The following LSR variants were observed in gnomAD, a reference collection of about 807,000 sequenced individuals.
LSR encodes the protein lipolysis stimulated lipoprotein receptor.
Under a neutral mutation model 61.8 loss-of-function variants are expected in LSR, and 44 were observed. The observed-to-expected ratio is 0.71, with a 90% CI of 0.56 to 0.91. LSR has a LOEUF of 0.91. Among genes scored for constraint, LSR ranks in the 40% least tolerant of loss-of-function variants. The pLI is 0.00. For synonymous variants in LSR, 397 were observed against 350.6 expected (o/e 1.13, Z -1.48); for missense variants, 911 against 830.5 (o/e 1.10, Z -1.19).
chr19:35,266,773 G>A (rs200817946), intron 7 of LSR, 35 bp downstream of exon 7: 617 of 1,609,390 alleles, frequency 3.8e-4, no homozygotes, highest in Non-Finnish European at 4.9e-4. Flanking sequence ...GGATGTGCCT[G>A]TAAGGGAGAG....
chr19:35,264,193 G>GT (rs999372765), intron 5 of LSR: 1 of 152,064 alleles, frequency 6.6e-6, no homozygotes, highest in Non-Finnish European at 1.5e-5. Context: ...GTCTAGGGTC[G>GT]TATCTAGCAC....
chr19:35,265,862 CAG>C (rs1168020190), intron 5 of LSR, among the ~76,000 whole-genome samples: 2 of 152,112 alleles, frequency 1.3e-5, no homozygotes, highest in African/African-American at 2.4e-5. Context: ...TTTTCTAGAA[CAG>C]GGGCTTGGCT....
At chr19:35,260,246 C>T (rs2065909445) in intron 3 of LSR, among the ~76,000 whole-genome samples, 1 of 148,502 alleles carries the variant, frequency 6.7e-6, no homozygotes, top group African/African-American at 2.5e-5. Flanking sequence ...GGTTTTATGT[C>T]TATCTGTTGC....
intron 2 of LSR, among the ~76,000 whole-genome samples, chr19:35,257,571 G>A (rs1370332622): frequency 6.6e-6 from 1 of 152,128 alleles, no homozygotes; most frequent in Admixed American, 6.5e-5. Context: ...ACTGCAGCAC[G>A]CGTGGTTGCT....
intron 2 of LSR, among the ~76,000 whole-genome samples, chr19:35,256,237 A>T (rs1439387772): frequency 6.6e-6 from 1 of 152,094 alleles, no homozygotes; most frequent in African/African-American, 2.4e-5. Flanking sequence ...CCATCTCAAA[A>T]AAAAAAAAAA....
In LSR at chr19:35,267,136, A is replaced by AGGACGACTGGC; in HGVS notation, c.1174_1184dup (p.Ser396ThrfsTer156). On this transcript the variant is annotated frameshift_variant, in exon 9 of 10. Coordinates refer to ENST00000605618, the MANE Select transcript of LSR (RefSeq NM_205834.4). LOFTEE classifies it high-confidence loss of function. ...ATGAGTGAAGTCACCTCCCTCCACG[A>AGGACGACTGGC]GGACGACTGGCGATCTCGGCCTTCC... The AGGACGACTGGC allele has an allele frequency of 1.3e-6, 2 of 1,529,108 alleles. No homozygotes were observed. Among genetic ancestry groups the AGGACGACTGGC allele is most frequent in the Non-Finnish European group, 1.8e-6 (2 of 1,142,598 alleles). The allele number at this position is 1,529,108 out of a possible 1,614,324, so 94.7% of individuals were successfully genotyped here.
At position 35,250,331 on chromosome 19, in the gene LSR, C is replaced by A; in HGVS notation, c.126C>A (p.Ile42=). Residue 42 remains isoleucine, a synonymous_variant, in exon 2 of 10, where the codon ATC becomes ATA. Coordinates refer to ENST00000605618, the MANE Select transcript of LSR (RefSeq NM_205834.4). ...STWCTAPARA[I]QVTVSNPYHV... The stretch of plus-strand genomic sequence containing the variant: ...TGCCCTCAGCTCCTGCCAGGGCCAT[C>A]CAGGTGACCGTGTCCAACCCCTACC... 1.3e-6 allele frequency: 2 copies of A among 1,553,422 alleles called. No individual in the cohort carries two copies. Among genetic ancestry groups the A allele is most frequent in the Non-Finnish European group, 8.8e-7 (1 of 1,142,510 alleles).
chr19:35,251,273 G>T (rs11084809), intron 2 of LSR, among the ~76,000 whole-genome samples: 36,939 of 152,008 alleles, frequency 0.24, 4,629 homozygotes, highest in East Asian at 0.28. Context: ...AGACAAACAC[G>T]ACACACACTC....
intron 5 of LSR, among the ~76,000 whole-genome samples, chr19:35,263,320 GA>G (rs1209165482): frequency 2.0e-5 from 3 of 151,870 alleles, no homozygotes; most frequent in Non-Finnish European, 4.4e-5. Flanking sequence ...AAAAAGTTAA[GA>G]AACCAAACAA....
intron 2 of LSR, chr19:35,253,771 G>A (rs989604498): frequency 2.0e-5 from 3 of 152,296 alleles, no homozygotes; most frequent in African/African-American, 7.2e-5. Context: ...CCCAGGGATT[G>A]TGCCTGCCTG....
Position 35,259,052 on chromosome 19 carries a change from C to G in LSR, c.562C>G (p.Leu188Val). 6.2e-7 allele frequency: 1 copy of G among 1,613,460 alleles called. No homozygotes were observed. The highest frequency in any genetic ancestry group is 8.5e-7 in the Non-Finnish European group (1 of 1,179,556). The change falls in exon 3 of 10, where the codon CTC becomes GTC. Residue 188 changes from leucine to valine, a missense_variant. By Grantham distance (32) the Leu-to-Val change is conservative. Coordinates refer to ENST00000605618, the MANE Select transcript of LSR (RefSeq NM_205834.4). ...GGGGAACAATGAGGCCTACGCAGAGCTCATCGTCCTTGGTGAGTGGGCCTG... is the reference window on the plus strand; with the variant it reads ...GGGGAACAATGAGGCCTACGCAGAGGTCATCGTCCTTGGTGAGTGGGCCTG... ...LQGNNEAYAE[L>V]IVLGRTSGVA...
chr19:35,261,471 C>A (rs1232882320), intron 3 of LSR, among the ~76,000 whole-genome samples: 5 of 152,128 alleles, frequency 3.3e-5, no homozygotes, highest in Admixed American at 3.3e-4. Flanking sequence ...CGCCTGAGCC[C>A]ACGAGGTTGA....
intron 2 of LSR, among the ~76,000 whole-genome samples, chr19:35,257,204 A>C (rs1197494811): frequency 6.6e-6 from 1 of 152,126 alleles, no homozygotes; most frequent in Non-Finnish European, 1.5e-5. Flanking sequence ...GCAGTGGCTG[A>C]GACAGACAGG....
chr19:35,259,995 C>T (rs1164326640), intron 3 of LSR, among the ~76,000 whole-genome samples: 2 of 152,182 alleles, frequency 1.3e-5, no homozygotes, highest in Non-Finnish European at 2.9e-5. Flanking sequence ...TGAGTGATGC[C>T]GCTGGGCTGT....
At chr19:35,252,384 C>A (rs1202894821) in intron 2 of LSR, among the ~76,000 whole-genome samples, 3 of 151,890 alleles carry the variant, frequency 2.0e-5, no homozygotes, top group Non-Finnish European at 4.4e-5. Flanking sequence ...CACGGTGGCT[C>A]ACGTCTGTAA....
intron 2 of LSR, among the ~76,000 whole-genome samples, chr19:35,255,812 A>G (rs1030856365): frequency 6.6e-6 from 1 of 152,212 alleles, no homozygotes; most frequent in Non-Finnish European, 1.5e-5. Flanking sequence ...GATATGTGAC[A>G]TAGTTAACAT....
At position 35,267,476 on chromosome 19, in the gene LSR, C is replaced by G; in HGVS notation, c.1512C>G (p.Asp504Glu). The change falls in exon 9 of 10, where the codon GAC becomes GAG. Residue 504 changes from aspartate to glutamate, a missense_variant. Coordinates refer to ENST00000605618, the MANE Select transcript of LSR (RefSeq NM_205834.4). ...DFPRSRDPHYDDFRSRERPPA... is the reference protein window; with the variant it reads ...DFPRSRDPHYEDFRSRERPPA... ...CACGCTCCCGGGACCCCCACTACGA[C>G]GACTTCAGGTCTCGGGAGCGCCCTC... The G allele has an allele frequency of 6.2e-7, 1 of 1,611,044 alleles. No individual in the cohort carries two copies. Among genetic ancestry groups the G allele is most frequent in the Non-Finnish European group, 8.5e-7 (1 of 1,179,546 alleles).
intron 5 of LSR, among the ~76,000 whole-genome samples, chr19:35,263,708 A>G (rs1157801803): frequency 6.6e-6 from 1 of 152,084 alleles, no homozygotes; most frequent in Non-Finnish European, 1.5e-5. Flanking sequence ...TATGTTGCCC[A>G]GGCTGGTCTT....
At chr19:35,254,986 C>G (rs1039356856) in intron 2 of LSR, among the ~76,000 whole-genome samples, 2 of 152,268 alleles carry the variant, frequency 1.3e-5, no homozygotes, top group South Asian at 4.1e-4. Context: ...TTCCTGTCCA[C>G]CTCTTTTGTT....
Sources: allele counts gnomAD v4.1 joint callset (sites outside exome capture counted in the v4.1 genomes callset), GRCh38; gene constraint gnomAD v4.1.1; transcripts MANE v1.5; gene names NCBI Gene and HGNC (gene_info 2026-07-23, HGNC 2026-07-21).